TMEM132D: variants seen among roughly 807,000 people sequenced by gnomAD.
TMEM132D encodes mature OL transmembrane protein.
In TMEM132D, 21 loss-of-function variants were observed where a neutral mutation model predicts 62.3. The observed-to-expected ratio is 0.34, with a 90% CI of 0.24 to 0.49. TMEM132D has a LOEUF of 0.49. Among genes scored for constraint, TMEM132D ranks in the 20% least tolerant of loss-of-function variants. The probability of loss-of-function intolerance (pLI) is 0.99; values close to 1 mark genes in which losing one functional copy is unlikely to be tolerated. For missense variants in TMEM132D, 1,346 were observed against 1,402.8 expected, an observed-to-expected ratio of 0.96 and a Z score of 0.65; for synonymous variants, 621 against 575.6, an observed-to-expected ratio of 1.08 and a Z score of -1.13.
At chr12:129,846,538 A>G (rs1306236443) in intron 1 of TMEM132D, among the ~76,000 whole-genome samples, 1 of 151,896 alleles carries the variant, frequency 6.6e-6, no homozygotes, top group Non-Finnish European at 1.5e-5. Context: ...GTTAATTGTC[A>G]TTTTCCTCTT....
intron 3 of TMEM132D, among the ~76,000 whole-genome samples, chr12:129,358,390 G>T (rs895136552): frequency 3.9e-5 from 6 of 152,196 alleles, no homozygotes; most frequent in African/African-American, 1.4e-4. Context: ...GTGGTGGCCT[G>T]GGACTGGCTC....
intron 2 of TMEM132D, among the ~76,000 whole-genome samples, chr12:129,651,955 A>G (rs1462871074): frequency 6.6e-6 from 1 of 152,306 alleles, no homozygotes; most frequent in South Asian, 2.1e-4. Flanking sequence ...CTGACAACCT[A>G]CTTAGAAGAC....
In TMEM132D at chr12:129,074,953, T is replaced by A. The variant is rs907158835; in HGVS notation, c.2222A>T (p.Lys741Met). The A allele has an allele frequency of 6.2e-7, 1 of 1,614,106 alleles. No homozygotes were observed. Among genetic ancestry groups the A allele is most frequent in the South Asian group, 1.1e-5 (1 of 91,066 alleles). ...FSLMATSLDE[K>M]VVSIHQDPKF... ...GGGGTCTTGGTGGATGGAGACTACC[T>A]TCTCATCCAAAGATGTGGCCATCAA... Residue 741 changes from lysine (K) to methionine (M), a missense_variant, in exon 9 of 9, where the codon AAG becomes ATG. Transcript: ENST00000422113.
chr12:129,204,708 T>C (rs1878795201), intron 5 of TMEM132D, among the ~76,000 whole-genome samples: 1 of 151,870 alleles, frequency 6.6e-6, no homozygotes, highest in Admixed American at 6.6e-5. Context: ...AAGAAGAACG[T>C]CCCCAAGACA....
In TMEM132D at chr12:129,650,824, C is replaced by T. The variant is rs116921791; in HGVS notation, c.968+48986G>A. On this transcript the variant is annotated intron_variant, in intron 2 of 8. Coordinates refer to ENST00000422113, the MANE Select transcript of TMEM132D (RefSeq NM_133448.3). ...CTCATTTTATTTCTAATATTATTCACCATAGACCAGGTGATGGTAACTTTT... is the reference window on the plus strand; with the variant it reads ...CTCATTTTATTTCTAATATTATTCATCATAGACCAGGTGATGGTAACTTTT... Among the ~76,000 whole-genome samples, 176 of 152,286 alleles carry T rather than the reference C, an allele frequency of 1.2e-3. 5 individuals are homozygous for T. In the East Asian group the frequency reaches 0.03, roughly 26 times the overall value.
intron 2 of TMEM132D, among the ~76,000 whole-genome samples, chr12:129,630,240 T>G (rs1316602282): frequency 6.6e-6 from 1 of 152,154 alleles, no homozygotes; most frequent in Admixed American, 6.5e-5. Context: ...ACGTGTGTGT[T>G]TGAGAAAAAC....
At chr12:129,625,951 T>C (rs1300387749) in intron 2 of TMEM132D, among the ~76,000 whole-genome samples, 1 of 152,192 alleles carries the variant, frequency 6.6e-6, no homozygotes, top group Non-Finnish European at 1.5e-5. Context: ...TCTTCTTCAA[T>C]TTAAGGTTTA....
rs551909342 is a variant in TMEM132D, at chr12:129,377,539, GTTC to G, written c.1116-39725_1116-39723del. Among the ~76,000 whole-genome samples the G allele has an allele frequency of 8.5e-5, 13 of 152,200 alleles. No individual in the cohort carries two copies. The South Asian group carries it at 1.0e-3, about 12-fold the overall frequency. On this transcript the variant is annotated intron_variant, in intron 3 of 8. Coordinates refer to ENST00000422113, the MANE Select transcript of TMEM132D (RefSeq NM_133448.3). The stretch of plus-strand genomic sequence containing the variant: ...AACAAACAGCAGAATAAAATTAACT[GTTC>G]TTCTTACTTGCTGAGATGTTGCCCA...
At chr12:129,734,517 A>C (rs964442046) in intron 1 of TMEM132D, among the ~76,000 whole-genome samples, 1 of 152,190 alleles carries the variant, frequency 6.6e-6, no homozygotes, top group African/African-American at 2.4e-5. Flanking sequence ...ATTACTATAG[A>C]ACTATGTTTA....
chr12:129,786,601 G>A (rs552159860), intron 1 of TMEM132D, among the ~76,000 whole-genome samples: 5 of 152,274 alleles, frequency 3.3e-5, no homozygotes, highest in African/African-American at 1.2e-4. Context: ...AAGAAATAAA[G>A]AGAGAGTGGC....
intron 3 of TMEM132D, among the ~76,000 whole-genome samples, chr12:129,464,543 G>A (rs2137042008): frequency 6.6e-6 from 1 of 152,216 alleles, no homozygotes; most frequent in Admixed American, 6.5e-5. Context: ...TGAAGTCCTT[G>A]CCCATGCCTA....
intron 5 of TMEM132D, among the ~76,000 whole-genome samples, chr12:129,140,400 C>T (rs1876704679): frequency 6.6e-6 from 1 of 152,208 alleles, no homozygotes; most frequent in South Asian, 2.1e-4. Context: ...CCATGCACTT[C>T]TGAGCTTGGT....
intron 5 of TMEM132D, among the ~76,000 whole-genome samples, chr12:129,194,544 C>T (rs923329755): frequency 6.6e-6 from 1 of 152,156 alleles, no homozygotes; most frequent in Admixed American, 6.5e-5. Context: ...ATAATCTGTA[C>T]AACAAATCTT....
chr12:129,653,406 G>T (rs896557777), intron 2 of TMEM132D, among the ~76,000 whole-genome samples: 4 of 152,294 alleles, frequency 2.6e-5, no homozygotes, highest in South Asian at 2.1e-4. Flanking sequence ...TATCAGGAAA[G>T]ATATTTCTCC....
intron 4 of TMEM132D, chr12:129,212,439 G>T (rs1262522463): frequency 6.7e-6 from 1 of 149,892 alleles, no homozygotes; most frequent in East Asian, 2.1e-4. Context: ...ATGGTACGGG[G>T]ATGACTCACA....
intron 3 of TMEM132D, among the ~76,000 whole-genome samples, chr12:129,468,758 C>T (rs1874002074): frequency 6.6e-6 from 1 of 152,212 alleles, no homozygotes; most frequent in Non-Finnish European, 1.5e-5. Flanking sequence ...ACTTTGAAAA[C>T]AACTCTTCCC....
chr12:129,855,123 C>A (rs1873689027), intron 1 of TMEM132D, among the ~76,000 whole-genome samples: 1 of 130,782 alleles, frequency 7.6e-6, no homozygotes, highest in Non-Finnish European at 1.7e-5. Flanking sequence ...GGGATGGCTG[C>A]CCTTGTAACA....
chr12:129,163,266 A>G (rs1363773725), intron 5 of TMEM132D, among the ~76,000 whole-genome samples: 1 of 152,246 alleles, frequency 6.6e-6, no homozygotes, highest in Non-Finnish European at 1.5e-5. Context: ...AAACAGCTGC[A>G]GTGATTCTTG....
chr12:129,657,725 C>A (rs1312311849), intron 2 of TMEM132D, among the ~76,000 whole-genome samples: 2 of 152,198 alleles, frequency 1.3e-5, no homozygotes, highest in African/African-American at 4.8e-5. Flanking sequence ...TGCAGGAAAG[C>A]AGCTGTGGCC....
Sources: gnomAD v4.1 joint callset for allele counts (sites outside exome capture counted in the v4.1 genomes callset) on GRCh38, gnomAD v4.1.1 for gene constraint, MANE v1.5 for transcripts, NCBI Gene and HGNC (gene_info 2026-07-23, HGNC 2026-07-21) for gene names.